The following SLC11A2 variants were observed in gnomAD, a reference collection of about 807,000 sequenced individuals.
The protein encoded by SLC11A2 is solute carrier family 11 member 2.
Under a neutral mutation model 68.0 loss-of-function variants are expected in SLC11A2, and 38 were observed. The observed-to-expected ratio is 0.56, with a 90% CI of 0.43 to 0.73. The LOEUF (loss-of-function observed/expected upper bound fraction) is 0.73. Ranked by LOEUF, SLC11A2 falls within the 30% of genes least tolerant of loss-of-function variation. The pLI is 0.00. For missense variants in SLC11A2, 517 were observed against 690.5 expected, an observed-to-expected ratio of 0.75 and a Z score of 2.82; for synonymous variants, 242 against 250.6, an observed-to-expected ratio of 0.97 and a Z score of 0.32.
intron 11 of SLC11A2, chr12:50,993,135 G>GATTCTCTGCCTAGTCC (rs1941340885): frequency 1.8e-6 from 1 of 562,080 alleles, no homozygotes; most frequent in Admixed American, 2.6e-5. Flanking sequence ...ATGCTCCTTC[G>GATTCTCTGCCTAGTCC]TTTCTCTGCC....
intron 1 of SLC11A2, among the ~76,000 whole-genome samples, chr12:51,021,338 A>G (rs1566042324): frequency 6.6e-6 from 1 of 152,052 alleles, no homozygotes; most frequent in Non-Finnish European, 1.5e-5. Context: ...CAAAACCACA[A>G]TTTCGGGCCA....
chr12:50,981,198 A>G (rs1940003348), downstream of SLC11A2: 1 of 152,348 alleles, frequency 6.6e-6, no homozygotes. Context: ...TGGTTGACTA[A>G]AATCAAACTG....
intron 15 of SLC11A2, 198 bp downstream of exon 15, chr12:50,990,597 A>G: frequency 1.7e-6 from 1 of 584,076 alleles, no homozygotes; most frequent in Non-Finnish European, 3.0e-6. Context: ...TTTTGTAGAG[A>G]TGGAGTCTTA....
chr12:51,009,380 G>A (rs1167508202), intron 2 of SLC11A2: 25 of 1,048,398 alleles, frequency 2.4e-5, no homozygotes, highest in Non-Finnish European at 2.7e-5. Flanking sequence ...ATATTGGGAA[G>A]CAGAAGGTCT....
downstream of SLC11A2, among the ~76,000 whole-genome samples, chr12:50,983,665 C>T (rs1940271582): frequency 2.0e-5 from 3 of 152,076 alleles, no homozygotes; most frequent in Admixed American, 2.0e-4. Context: ...TGGTAAAACC[C>T]TGGCTTTACT....
chr12:50,992,017 A>G (rs1941199568), intron 13 of SLC11A2, among the ~76,000 whole-genome samples, 173 bp downstream of exon 13: 1 of 152,150 alleles, frequency 6.6e-6, no homozygotes, highest in Non-Finnish European at 1.5e-5. Flanking sequence ...AAAACCAACC[A>G]TTTCTAAAAT....
At chr12:51,008,448 T>A (rs756168893) in intron 3 of SLC11A2, 28 bp downstream of exon 3, 10 of 1,599,890 alleles carry the variant, frequency 6.3e-6, no homozygotes, top group Middle Eastern at 1.7e-4. Flanking sequence ...CAGACAATAG[T>A]GTTCTCCTCC....
intron 3 of SLC11A2, 149 bp downstream of exon 3, chr12:51,008,325 GTA>G (rs1197236033): frequency 0.015 from 7,371 of 494,352 alleles, 1 homozygote; most frequent in Middle Eastern, 0.026. Context: ...GTGTGTGTGT[GTA>G]TATATATATA....
chr12:51,009,448 A>G, intron 2 of SLC11A2: 1 of 210,286 alleles, frequency 4.8e-6, no homozygotes, highest in Non-Finnish European at 8.3e-6. Context: ...TCAGCCATCA[A>G]ATGGCTATTT....
intron 5 of SLC11A2, among the ~76,000 whole-genome samples, chr12:51,004,508 T>C (rs1942548858): frequency 1.3e-5 from 2 of 152,226 alleles, no homozygotes; most frequent in South Asian, 4.1e-4. Flanking sequence ...CCCCTTGGGC[T>C]GGGCATTGCT....
intron 1 of SLC11A2, among the ~76,000 whole-genome samples, chr12:51,019,859 G>C (rs955508642): frequency 1.3e-5 from 2 of 151,868 alleles, no homozygotes; most frequent in Non-Finnish European, 2.9e-5. Context: ...TGCCCAGGCT[G>C]GTCTTGAACT....
chr12:50,983,872 G>A (rs528212919), downstream of SLC11A2, among the ~76,000 whole-genome samples: 1 of 152,090 alleles, frequency 6.6e-6, no homozygotes, highest in South Asian at 2.1e-4. Flanking sequence ...GGAGGCAGAG[G>A]CAGGAGAATT....
chr12:50,983,752 C>T (rs1288620748), downstream of SLC11A2, among the ~76,000 whole-genome samples: 1 of 151,930 alleles, frequency 6.6e-6, no homozygotes, highest in Non-Finnish European at 1.5e-5. Flanking sequence ...GTGGGTGGAT[C>T]ATGAGGTCAG....
chr12:50,964,008 G>T, the SLC11A2 span, among the ~76,000 whole-genome samples: 117 of 151,982 alleles, frequency 7.7e-4, 1 homozygote, highest in Non-Finnish European at 1.3e-3. Context: ...CCCTTCATAC[G>T]TCTTTGGATG....
chr12:50,994,787 A>G, intron 10 of SLC11A2, 157 bp from the exon 11 acceptor site: 1 of 647,504 alleles, frequency 1.5e-6, no homozygotes, highest in Non-Finnish European at 2.8e-6. Flanking sequence ...CAGCAATGTT[A>G]TCTAGGATCT....
the SLC11A2 span, among the ~76,000 whole-genome samples, chr12:50,959,659 GTTT>G: frequency 5.5e-4 from 84 of 151,708 alleles, no homozygotes; most frequent in African/African-American, 1.9e-3. Context: ...TTTGTTTTTT[GTTT>G]TTTAAAACAA....
chr12:50,999,298 A>G (rs750698869), intron 7 of SLC11A2, 47 bp downstream of exon 7: 6 of 1,605,484 alleles, frequency 3.7e-6, no homozygotes, highest in African/African-American at 1.3e-5. Flanking sequence ...CATCTGCCAC[A>G]TGACAGAGAG....
At chr12:50,978,026 A>AC (rs1939872789), downstream of SLC11A2, among the ~76,000 whole-genome samples, 1 of 151,970 alleles carries the variant, frequency 6.6e-6, no homozygotes, top group African/African-American at 2.4e-5. Flanking sequence ...AGAAATAGGA[A>AC]CTTTTACACT....
chr12:50,994,294 G>A (rs926818888), intron 11 of SLC11A2, among the ~76,000 whole-genome samples: 4 of 152,076 alleles, frequency 2.6e-5, no homozygotes, highest in South Asian at 2.1e-4. Context: ...TGATCCACCC[G>A]CCTCAGCCTC....
Sources: allele counts gnomAD v4.1 joint callset (sites outside exome capture counted in the v4.1 genomes callset), GRCh38; gene constraint gnomAD v4.1.1; transcripts MANE v1.5; gene names NCBI Gene and HGNC (gene_info 2026-07-23, HGNC 2026-07-21).